Variants in GALNT13 observed in about 807,000 individuals in gnomAD.
GALNT13 encodes UDP-GalNAc:polypeptide N-acetylgalactosaminyltransferase 13.
Under a neutral mutation model 64.2 loss-of-function variants are expected in GALNT13, and 28 were observed. The observed-to-expected ratio is 0.44, with a 90% CI of 0.32 to 0.60. The LOEUF is 0.60. Among genes scored for constraint, GALNT13 ranks in the 20% least tolerant of loss-of-function variants. The probability of loss-of-function intolerance (pLI) is 0.05; values close to 1 mark genes in which losing one functional copy is unlikely to be tolerated. For synonymous variants in GALNT13, 214 were observed against 224.6 expected (o/e 0.95, Z 0.42); for missense variants, 577 against 669.8 (o/e 0.86, Z 1.53).
At chr2:154,381,475 TG>T in intron 9 of GALNT13, among the ~76,000 whole-genome samples, 1 of 152,250 alleles carries the variant, frequency 6.6e-6, no homozygotes, top group Non-Finnish European at 1.5e-5. Flanking sequence ...TGTTAATTTT[TG>T]TGTGGGCTAT....
the GALNT13 span, among the ~76,000 whole-genome samples, chr2:153,530,081 A>T: frequency 6.6e-6 from 1 of 152,116 alleles, no homozygotes; most frequent in Admixed American, 6.5e-5. Context: ...AATAAAGTGC[A>T]TTCATATTGG....
At chr2:153,982,801 A>G (rs1464455858) in intron 3 of GALNT13, among the ~76,000 whole-genome samples, 1 of 151,992 alleles carries the variant, frequency 6.6e-6, no homozygotes, top group Non-Finnish European at 1.5e-5. Context: ...AATTTTATAC[A>G]AAAATAATCC....
At chr2:154,058,053 C>G (rs1462322053) in intron 3 of GALNT13, among the ~76,000 whole-genome samples, 1 of 152,084 alleles carries the variant, frequency 6.6e-6, no homozygotes, top group Admixed American at 6.6e-5. Flanking sequence ...GCTCCTGCCC[C>G]CAATGTTATA....
chr2:153,436,044 T>C, the GALNT13 span, among the ~76,000 whole-genome samples: 1 of 152,232 alleles, frequency 6.6e-6, no homozygotes, highest in Non-Finnish European at 1.5e-5. Flanking sequence ...TGAAGTGCTG[T>C]TGAATTTTGT....
chr2:153,640,556 A>G, the GALNT13 span, among the ~76,000 whole-genome samples: 1 of 152,074 alleles, frequency 6.6e-6, no homozygotes, highest in Non-Finnish European at 1.5e-5. Flanking sequence ...AGGTGGGAGG[A>G]TCACTTAAAT....
chr2:153,628,771 C>A, the GALNT13 span, among the ~76,000 whole-genome samples: 2 of 152,098 alleles, frequency 1.3e-5, no homozygotes, highest in African/African-American at 4.8e-5. Context: ...AGGATTTTTG[C>A]ATCAATGTTC....
In GALNT13 at chr2:154,123,824, T is replaced by A. The variant is rs1278243762; in HGVS notation, c.143-16513T>A. On this transcript the variant is annotated intron_variant, in intron 3 of 12. Coordinates refer to ENST00000392825, the MANE Select transcript of GALNT13 (RefSeq NM_052917.4). ...AATGCGAGAAGAAAAAAATATAACT[T>A]ATAGTGACAAAAGGCATATATCAGC... 3.9e-5 allele frequency among the ~76,000 whole-genome samples: 6 copies of A among 152,042 alleles called. No homozygotes were observed. In the East Asian group the frequency reaches 1.2e-3, roughly 29 times the overall value.
At chr2:153,094,521 G>T in the GALNT13 span, among the ~76,000 whole-genome samples, 2 of 152,238 alleles carry the variant, frequency 1.3e-5, no homozygotes, top group African/African-American at 2.4e-5. Context: ...TTTCTTCACA[G>T]AATTGGAAAA....
chr2:154,389,111 T>TTTTTG lies in GALNT13; in HGVS notation c.1157-6865_1157-6861dup, dbSNP rs937332637. Among the ~76,000 whole-genome samples, 4 of 152,334 alleles carry TTTTTG rather than the reference T, an allele frequency of 2.6e-5. No individual in the cohort carries two copies. In the East Asian group the frequency reaches 5.8e-4, roughly 22 times the overall value. On this transcript the variant is annotated intron_variant, in intron 9 of 12. Coordinates refer to ENST00000392825, the MANE Select transcript of GALNT13 (RefSeq NM_052917.4). ...ATAACTTTGATTTGCTTAAGCATTC[T>TTTTTG]TTTTGTTTTGTTTTGTTTTTGTTTT...
At chr2:154,241,268 T>A (rs1393721064) in intron 4 of GALNT13, among the ~76,000 whole-genome samples, 1 of 152,162 alleles carries the variant, frequency 6.6e-6, no homozygotes, top group East Asian at 1.9e-4. Context: ...ATGCCTGTCC[T>A]CACCCAGGGT....
intron 9 of GALNT13, among the ~76,000 whole-genome samples, chr2:154,355,786 A>G (rs907908028): frequency 5.3e-5 from 8 of 152,114 alleles, no homozygotes; most frequent in African/African-American, 1.9e-4. Context: ...AAAATGTTCT[A>G]GAACTTTGGA....
intron 12 of GALNT13, among the ~76,000 whole-genome samples, chr2:154,445,112 A>C (rs1396318070): frequency 6.6e-6 from 1 of 152,028 alleles, no homozygotes; most frequent in Non-Finnish European, 1.5e-5. Context: ...TAAATGAAAA[A>C]TAATTTTTGT....
intron 2 of GALNT13, among the ~76,000 whole-genome samples, chr2:153,904,917 C>A (rs1320527706): frequency 1.3e-5 from 2 of 151,748 alleles, no homozygotes; most frequent in Non-Finnish European, 2.9e-5. Context: ...TCTCCTTCGC[C>A]CACTGTTCTT....
the GALNT13 span, among the ~76,000 whole-genome samples, chr2:153,631,731 C>A: frequency 6.6e-6 from 1 of 152,066 alleles, no homozygotes; most frequent in East Asian, 1.9e-4. Flanking sequence ...GAGTAGGTTG[C>A]AAAAATGTTC....
the GALNT13 span, among the ~76,000 whole-genome samples, chr2:153,192,730 C>G: frequency 6.6e-6 from 1 of 151,980 alleles, no homozygotes; most frequent in African/African-American, 2.4e-5. Flanking sequence ...GAATTGCTCC[C>G]TTTGTCATTA....
the GALNT13 span, among the ~76,000 whole-genome samples, chr2:153,523,516 CAGAT>C: frequency 6.6e-6 from 1 of 152,178 alleles, no homozygotes; most frequent in Non-Finnish European, 1.5e-5. Flanking sequence ...TAGTTTTCCT[CAGAT>C]AGACCTTGTA....
chr2:153,106,982 C>T, the GALNT13 span, among the ~76,000 whole-genome samples: 4 of 152,100 alleles, frequency 2.6e-5, no homozygotes, highest in African/African-American at 9.6e-5. Flanking sequence ...ACACACTTTT[C>T]AAAAAGGAAA....
At chr2:153,671,112 G>C in the GALNT13 span, among the ~76,000 whole-genome samples, 1 of 152,120 alleles carries the variant, frequency 6.6e-6, no homozygotes, top group Non-Finnish European at 1.5e-5. Flanking sequence ...ATGGAACCAA[G>C]GTAGAAAACA....
the GALNT13 span, among the ~76,000 whole-genome samples, chr2:153,232,425 A>G: frequency 6.6e-6 from 1 of 152,186 alleles, no homozygotes; most frequent in East Asian, 1.9e-4. Flanking sequence ...TAGAAATGCT[A>G]CTAAAGTGAG....
Sources: allele counts gnomAD v4.1 joint callset (sites outside exome capture counted in the v4.1 genomes callset), GRCh38; gene constraint gnomAD v4.1.1; transcripts MANE v1.5; gene names NCBI Gene and HGNC (gene_info 2026-07-23, HGNC 2026-07-21).